CACNB2: variants seen among roughly 807,000 people sequenced by gnomAD.
CACNB2 encodes the protein calcium voltage-gated channel auxiliary subunit beta 2.
In CACNB2, 42 loss-of-function variants were observed where a neutral mutation model predicts 73.3. The ratio of observed to expected loss-of-function variants is 0.57; its 90% CI spans 0.45 to 0.74. CACNB2 has a LOEUF of 0.74. CACNB2 is among the 30% of genes least tolerant of loss of function. The probability of loss-of-function intolerance (pLI) is 0.00; values close to 1 mark genes in which losing one functional copy is unlikely to be tolerated. For missense variants in CACNB2, 940 were observed against 853.0 expected, an observed-to-expected ratio of 1.10 and a Z score of -1.27; for synonymous variants, 348 against 310.3, an observed-to-expected ratio of 1.12 and a Z score of -1.28.
At chr10:18,306,913 A>T (rs1433221532) in intron 2 of CACNB2, among the ~76,000 whole-genome samples, 1 of 152,116 alleles carries the variant, frequency 6.6e-6, no homozygotes, top group East Asian at 1.9e-4. Context: ...TGATCTGAGA[A>T]AAGTGTCTAG....
intron 2 of CACNB2, among the ~76,000 whole-genome samples, chr10:18,304,939 A>G (rs1306140291): frequency 6.6e-6 from 1 of 152,222 alleles, no homozygotes; most frequent in African/African-American, 2.4e-5. Context: ...TATTCTTGGA[A>G]TAAGATGTAA....
intron 2 of CACNB2, among the ~76,000 whole-genome samples, chr10:18,326,937 C>T (rs549709816): frequency 1.7e-4 from 26 of 152,192 alleles, no homozygotes; most frequent in African/African-American, 6.3e-4. Flanking sequence ...CCATGTTGCC[C>T]TTGCTGGTCT....
chr10:18,156,205 GA>G (rs1391767794), intron 2 of CACNB2, among the ~76,000 whole-genome samples: 1 of 152,164 alleles, frequency 6.6e-6, no homozygotes, highest in Non-Finnish European at 1.5e-5. Flanking sequence ...TTATCTTTAA[GA>G]AGAATCACTG....
intron 10 of CACNB2, among the ~76,000 whole-genome samples, chr10:18,528,660 TCA>T (rs1217043158): frequency 6.6e-6 from 1 of 151,512 alleles, no homozygotes; most frequent in Non-Finnish European, 1.5e-5. Context: ...ATTATAGAAC[TCA>T]GTTTTGTTTC....
rs1247645595 is a variant in CACNB2, at chr10:18,540,292, A to G, written c.*568A>G. 7.1e-6 allele frequency: 1 copy of G among 140,508 alleles called. No homozygotes were observed. Among genetic ancestry groups the G allele is most frequent in the African/African-American group, 2.6e-5 (1 of 37,782 alleles). 8.7% of individuals were successfully genotyped at this position (140,508 alleles called of 1,614,324 possible). A position where few individuals can be genotyped will look rare whatever the true frequency, so the allele number is the denominator to read the frequency against. On this transcript the variant is annotated 3_prime_UTR_variant, in exon 14 of 14. Coordinates refer to ENST00000324631, the MANE Select transcript of CACNB2 (RefSeq NM_201596.3). ...CTGTGTACTGTATAGACAGTTTGTA[A>G]ATGTTATTTCTGCAAACAAACACCT...
chr10:18,329,497 A>G (rs1002736813), intron 2 of CACNB2, among the ~76,000 whole-genome samples: 2 of 130,028 alleles, frequency 1.5e-5, no homozygotes, highest in Admixed American at 1.6e-4. Context: ...TCTTACAAGT[A>G]AAAAAAGAAA....
At chr10:18,336,073 ATGGCTTCAAATTTAAAAC>A (rs2040993524) in intron 2 of CACNB2, among the ~76,000 whole-genome samples, 1 of 152,216 alleles carries the variant, frequency 6.6e-6, no homozygotes, top group African/African-American at 2.4e-5. Flanking sequence ...GAGAGGAACT[ATGGCTTCAAATTTAAAAC>A]TGGCATCTAA....
intron 2 of CACNB2, among the ~76,000 whole-genome samples, chr10:18,241,840 T>C (rs968134218): frequency 2.0e-5 from 3 of 152,114 alleles, no homozygotes; most frequent in Non-Finnish European, 2.9e-5. Context: ...TTTGTACAAA[T>C]AGTAAGTGTC....
chr10:18,409,700 G>A (rs1181661690), intron 3 of CACNB2, among the ~76,000 whole-genome samples: 1 of 152,138 alleles, frequency 6.6e-6, no homozygotes, highest in African/African-American at 2.4e-5. Flanking sequence ...GGTAATTGGG[G>A]AGGGACTGAA....
At chr10:18,412,352 GGAA>G (rs2044681761) in intron 3 of CACNB2, among the ~76,000 whole-genome samples, 1 of 152,062 alleles carries the variant, frequency 6.6e-6, no homozygotes, top group South Asian at 2.1e-4. Flanking sequence ...TTACCCCTTT[GGAA>G]GAAGAAATAT....
At chr10:18,472,221 C>CTTTT (rs200348808) in intron 3 of CACNB2, among the ~76,000 whole-genome samples, 51 of 119,390 alleles carry the variant, frequency 4.3e-4, no homozygotes, top group East Asian at 7.1e-4. Context: ...CACTTTTCTT[C>CTTTT]TTTTTTTTTT....
intron 2 of CACNB2, among the ~76,000 whole-genome samples, chr10:18,226,345 A>G (rs1258597059): frequency 1.3e-5 from 2 of 152,180 alleles, no homozygotes; most frequent in Non-Finnish European, 2.9e-5. Flanking sequence ...TTAAGTTTCT[A>G]TTGACTGGCA....
At chr10:18,419,941 AG>A in intron 3 of CACNB2, among the ~76,000 whole-genome samples, 1 of 152,354 alleles carries the variant, frequency 6.6e-6, no homozygotes, top group East Asian at 1.9e-4. Context: ...TATTAAACTA[AG>A]AATGTTTTTT....
At chr10:18,227,324 G>A (rs2036031276) in intron 2 of CACNB2, among the ~76,000 whole-genome samples, 2 of 152,072 alleles carry the variant, frequency 1.3e-5, no homozygotes, top group South Asian at 4.2e-4. Flanking sequence ...GGATGGCCAG[G>A]GGGAGGATTT....
At chr10:18,215,084 G>A (rs1564349340) in intron 2 of CACNB2, among the ~76,000 whole-genome samples, 1 of 119,710 alleles carries the variant, frequency 8.4e-6, no homozygotes, top group Non-Finnish European at 1.7e-5. Flanking sequence ...AAGACACTTA[G>A]AATACAAGAA....
At chr10:18,418,131 G>A (rs191277410) in intron 3 of CACNB2, among the ~76,000 whole-genome samples, 2 of 152,306 alleles carry the variant, frequency 1.3e-5, no homozygotes, top group African/African-American at 2.4e-5. Flanking sequence ...CTGGAGTGCA[G>A]TGGCGCCCTC....
At chr10:18,526,884 CTG>C (rs2052522764) in intron 9 of CACNB2, among the ~76,000 whole-genome samples, 1 of 152,150 alleles carries the variant, frequency 6.6e-6, no homozygotes, top group South Asian at 2.1e-4. Context: ...GGTCAGGAGT[CTG>C]GGTTCAAATC....
At position 18,264,206 on chromosome 10, in the gene CACNB2, G is replaced by A. The variant is rs550184999; in HGVS notation, c.213+113231G>A. On this transcript the variant is annotated intron_variant, in intron 2 of 13. Coordinates refer to ENST00000324631, the MANE Select transcript of CACNB2 (RefSeq NM_201596.3). The stretch of plus-strand genomic sequence containing the variant: ...TTTAATTTTTGTGGGTACATAATAG[G>A]TGTATATATTTATGGGGTACATAAG... Among the ~76,000 whole-genome samples, 10 of 152,212 alleles carry A rather than the reference G, an allele frequency of 6.6e-5. No individual in the cohort carries two copies. The East Asian group carries it at 1.7e-3, about 26-fold the overall frequency.
At chr10:18,448,240 T>C (rs1288073851) in intron 3 of CACNB2, among the ~76,000 whole-genome samples, 2 of 151,912 alleles carry the variant, frequency 1.3e-5, no homozygotes, top group Non-Finnish European at 2.9e-5. Context: ...TCCCAGCACT[T>C]TGGGAGGCCA....
Sources: allele counts gnomAD v4.1 joint callset (sites outside exome capture counted in the v4.1 genomes callset), GRCh38; gene constraint gnomAD v4.1.1; transcripts MANE v1.5; gene names NCBI Gene and HGNC (gene_info 2026-07-23, HGNC 2026-07-21).